Variants in XIRP2 observed in about 807,000 individuals in gnomAD.
The protein encoded by XIRP2 is xin actin binding repeat containing 2.
Under a neutral mutation model 277.0 loss-of-function variants are expected in XIRP2, and 236 were observed. That is an observed-to-expected ratio of 0.85 (90% confidence interval 0.77 to 0.95). The LOEUF is 0.95. XIRP2 is among the 40% of genes least tolerant of loss of function. The pLI, the probability that XIRP2 is intolerant of heterozygous loss-of-function variation, is 0.00. For synonymous variants in XIRP2, 1,490 were observed against 1,416.5 expected, an observed-to-expected ratio of 1.05 and a Z score of -1.17; for missense variants, 4,640 against 4,157.5, an observed-to-expected ratio of 1.12 and a Z score of -3.19.
chr2:167,175,846 GGAA>G (rs201590033), intron 3 of XIRP2, among the ~76,000 whole-genome samples: 14,988 of 152,174 alleles, frequency 0.098, 783 homozygotes, highest in South Asian at 0.15. Flanking sequence ...CCCAAGAGGA[GGAA>G]TCTAGAGAGG....
At chr2:167,085,498 T>C (rs1689909044) in intron 2 of XIRP2, among the ~76,000 whole-genome samples, 1 of 151,936 alleles carries the variant, frequency 6.6e-6, no homozygotes, top group Admixed American at 6.6e-5. Context: ...TGGGTATCCT[T>C]GTTGACTTTC....
intron 2 of XIRP2, among the ~76,000 whole-genome samples, chr2:167,097,882 C>G (rs1690367366): frequency 6.6e-6 from 1 of 152,234 alleles, no homozygotes; most frequent in South Asian, 2.1e-4. Flanking sequence ...GGCCCCCACT[C>G]TCTTCTGGCT....
At chr2:167,181,231 G>A (rs1692998364) in intron 3 of XIRP2, among the ~76,000 whole-genome samples, 1 of 152,188 alleles carries the variant, frequency 6.6e-6, no homozygotes, top group African/African-American at 2.4e-5. Flanking sequence ...CACGGAATTG[G>A]TGAGCCCACC....
intron 2 of XIRP2, among the ~76,000 whole-genome samples, chr2:166,964,518 C>T (rs1345056736): frequency 1.3e-5 from 2 of 151,774 alleles, no homozygotes; most frequent in African/African-American, 4.8e-5. Context: ...TGATTTTGGA[C>T]AAGGAGTGAA....
chr2:167,189,218 G>A (rs1246010023), intron 3 of XIRP2, among the ~76,000 whole-genome samples: 3 of 151,998 alleles, frequency 2.0e-5, no homozygotes, highest in African/African-American at 7.3e-5. Flanking sequence ...TTCAATACTG[G>A]GAACCGATAT....
At chr2:167,224,031 T>C (rs527282894) in intron 5 of XIRP2, among the ~76,000 whole-genome samples, 2 of 152,246 alleles carry the variant, frequency 1.3e-5, no homozygotes, top group East Asian at 3.9e-4. Flanking sequence ...AACAGTCCAA[T>C]GTCAAGGTGC....
chr2:167,214,089 A>G (rs868071562), intron 4 of XIRP2, among the ~76,000 whole-genome samples: 1 of 81,166 alleles, frequency 1.2e-5, no homozygotes, highest in Non-Finnish European at 2.3e-5. Context: ...GAAGGAAGAA[A>G]GAAAGAAGGA....
At chr2:167,106,315 T>C (rs987999549) in intron 2 of XIRP2, among the ~76,000 whole-genome samples, 2 of 151,810 alleles carry the variant, frequency 1.3e-5, no homozygotes, top group Admixed American at 6.6e-5. Flanking sequence ...ATGTTACATT[T>C]AAGTCTGTGA....
Position 167,258,066 on chromosome 2 carries a change from C to G in XIRP2, c.*249C>G, listed in dbSNP as rs759629690. The stretch of plus-strand genomic sequence containing the variant: ...AATATTGCAGAAAACACCCTTGTAC[C>G]TGGAGATCGTAATGAACATTTAGAT... On this transcript the variant is annotated 3_prime_UTR_variant, in exon 11 of 11. Coordinates refer to ENST00000409195, the MANE Select transcript of XIRP2 (RefSeq NM_152381.6). 66 of 1,612,838 alleles carry G rather than the reference C, an allele frequency of 4.1e-5. No homozygotes were observed. Among genetic ancestry groups the G allele is most frequent in the Non-Finnish European group, 5.4e-5 (64 of 1,179,510 alleles).
At chr2:166,920,509 T>A (rs1286724691) in intron 2 of XIRP2, among the ~76,000 whole-genome samples, 1 of 152,178 alleles carries the variant, frequency 6.6e-6, no homozygotes, top group Non-Finnish European at 1.5e-5. Flanking sequence ...ATACTCTTAT[T>A]CTAAGATACA....
rs1559042763 is a variant in XIRP2 at position 167,248,386 on chromosome 2, G to A, written c.6994G>A (p.Glu2332Lys). The change falls in exon 9 of 11, where the codon GAG (glutamate) becomes AAG (lysine). Residue 2332 changes from glutamate (E) to lysine (K), a missense_variant. Physicochemically the swap from Glu to Lys is moderately conservative, Grantham distance 56. Coordinates refer to ENST00000409195, the MANE Select transcript of XIRP2 (RefSeq NM_152381.6). ...TGGGTTTCTTCCCTCACTGTCCACA[G>A]AGAAGATAAAGGCTGAATTTGAAAG... ...KNGFLPSLSTEKIKAEFESFP... is the reference protein window; with the variant it reads ...KNGFLPSLSTKKIKAEFESFP... The A allele has an allele frequency of 6.2e-7, 1 of 1,613,558 alleles. No homozygotes were observed. The highest frequency in any genetic ancestry group is 1.3e-5 in the African/African-American group (1 of 74,884).
intron 2 of XIRP2, among the ~76,000 whole-genome samples, chr2:166,960,079 A>G (rs562114814): frequency 9.2e-5 from 14 of 151,802 alleles, no homozygotes; most frequent in Non-Finnish European, 1.8e-4. Flanking sequence ...CTATTTTAAA[A>G]ATGATGTTAT....
chr2:167,252,436 A>G (rs1348772082), intron 9 of XIRP2, among the ~76,000 whole-genome samples: 1 of 151,926 alleles, frequency 6.6e-6, no homozygotes, highest in African/African-American at 2.4e-5. Context: ...ATCTCTGACA[A>G]AAGTGTGGGT....
chr2:166,937,774 C>T (rs181561278), intron 2 of XIRP2, among the ~76,000 whole-genome samples: 4 of 152,106 alleles, frequency 2.6e-5, no homozygotes, highest in Admixed American at 2.0e-4. Flanking sequence ...AATTTCAGAG[C>T]CTGTTATTGG....
intron 2 of XIRP2, among the ~76,000 whole-genome samples, chr2:167,089,730 C>T (rs1558976108): frequency 6.6e-6 from 1 of 152,100 alleles, no homozygotes; most frequent in Middle Eastern, 3.2e-3. Context: ...CAGGGGTTAG[C>T]AAACTTTTGA....
intron 2 of XIRP2, among the ~76,000 whole-genome samples, chr2:167,032,037 T>C (rs1309821821): frequency 6.6e-6 from 1 of 152,178 alleles, no homozygotes; most frequent in African/African-American, 2.4e-5. Flanking sequence ...AGCATCATGC[T>C]ACCTGACTTC....
chr2:167,156,928 G>A (rs929645907), intron 3 of XIRP2, among the ~76,000 whole-genome samples: 2 of 151,990 alleles, frequency 1.3e-5, no homozygotes, highest in Admixed American at 6.6e-5. Flanking sequence ...TGCCTCTTCT[G>A]GGTTTCCCTC....
intron 3 of XIRP2, among the ~76,000 whole-genome samples, chr2:167,166,046 T>G (rs1187337930): frequency 1.3e-5 from 2 of 152,222 alleles, no homozygotes; most frequent in Admixed American, 6.5e-5. Flanking sequence ...AATTTTTGTA[T>G]ATGGATGTCC....
chr2:167,075,329 A>G (rs1322795130), intron 2 of XIRP2, among the ~76,000 whole-genome samples: 1 of 152,176 alleles, frequency 6.6e-6, no homozygotes, highest in Non-Finnish European at 1.5e-5. Context: ...GCTATTGCCT[A>G]TTTAGTAGAA....
Sources: gnomAD v4.1 joint callset for allele counts (sites outside exome capture counted in the v4.1 genomes callset) on GRCh38, gnomAD v4.1.1 for gene constraint, MANE v1.5 for transcripts, NCBI Gene and HGNC (gene_info 2026-07-23, HGNC 2026-07-21) for gene names.